WNK2: variants seen among roughly 807,000 people sequenced by gnomAD.
WNK2 encodes the protein serine/threonine-protein kinase WNK2.
WNK2 carries 67 observed loss-of-function variants against 192.1 expected under a neutral mutation model. The ratio of observed to expected loss-of-function variants is 0.35; its 90% CI spans 0.29 to 0.43. The LOEUF is 0.43. WNK2 is among the 20% of genes least tolerant of loss of function. The pLI is 1.00. For synonymous variants in WNK2, 1,439 were observed against 1,393.9 expected (o/e 1.03, Z -0.72); for missense variants, 2,698 against 3,089.7 (o/e 0.87, Z 3.01).
chr9:93,297,794 T>C, intron 23 of WNK2, 59 bp from the exon 24 acceptor site: 2 of 1,502,618 alleles, frequency 1.3e-6, no homozygotes, highest in Non-Finnish European at 1.8e-6. Context: ...CTGGAGGAGC[T>C]GGCGGTGTTG....
At chr9:93,245,512 G>A (rs993368724) in intron 7 of WNK2, among the ~76,000 whole-genome samples, 5 of 150,942 alleles carry the variant, frequency 3.3e-5, no homozygotes, top group Admixed American at 6.6e-5. Context: ...GTGTTTCCCC[G>A]GGGTGCACAG....
At chr9:93,201,920 C>T (rs1587834133) in intron 2 of WNK2, among the ~76,000 whole-genome samples, 2 of 152,246 alleles carry the variant, frequency 1.3e-5, no homozygotes, top group African/African-American at 4.8e-5. Flanking sequence ...TGTGCCCGCG[C>T]TCCCACTCAC....
intron 8 of WNK2, among the ~76,000 whole-genome samples, chr9:93,249,717 G>C (rs1261019416): frequency 6.6e-6 from 1 of 151,460 alleles, no homozygotes; most frequent in Non-Finnish European, 1.5e-5. Context: ...CTCGTGATCC[G>C]CCCGCCTCAG....
intron 26 of WNK2, among the ~76,000 whole-genome samples, chr9:93,304,927 G>C (rs1852235827): frequency 6.6e-6 from 1 of 152,182 alleles, no homozygotes; most frequent in Non-Finnish European, 1.5e-5. Flanking sequence ...GTTTAGGAAG[G>C]GCCCGTGGAG....
At position 93,190,935 on chromosome 9, in the gene WNK2, T is replaced by G. The variant is rs111465487; in HGVS notation, c.681+5325T>G. Among the ~76,000 whole-genome samples, 487 of 152,270 alleles carry G rather than the reference T, an allele frequency of 3.2e-3. 3 individuals are homozygous for G. Among genetic ancestry groups the G allele is most frequent in the African/African-American group, 0.011 (457 of 41,536 alleles). Reference sequence around the variant, plus strand: ...CAGACAGACCCAGATGGGGACAGTCTATAGACCATCTTACAGCAAGGGAGA... The same window carrying G: ...CAGACAGACCCAGATGGGGACAGTCGATAGACCATCTTACAGCAAGGGAGA... On this transcript the variant is annotated intron_variant, in intron 2 of 29. Coordinates refer to ENST00000427277, the MANE Select transcript of WNK2 (RefSeq NM_006648.4).
At chr9:93,246,953 G>A (rs913279417) in intron 7 of WNK2, among the ~76,000 whole-genome samples, 2 of 152,214 alleles carry the variant, frequency 1.3e-5, no homozygotes, top group Non-Finnish European at 2.9e-5. Context: ...TATTCTTGGC[G>A]AGCTCATGAT....
chr9:93,299,395 AGG>A, intron 25 of WNK2, 134 bp downstream of exon 25: 2 of 921,620 alleles, frequency 2.2e-6, no homozygotes, highest in Non-Finnish European at 3.1e-6. Flanking sequence ...TCTTTTAAAA[AGG>A]ATAAAAAAAA....
Position 93,261,849 on chromosome 9 carries a change from C to G in WNK2, c.3102C>G (p.Asp1034Glu), listed in dbSNP as rs370046914. Reference protein sequence around the residue: ...LLGHPAPYAVDVAAQVPTVPV... With the variant: ...LLGHPAPYAVEVAAQVPTVPV... ...GCCACCCAGCTCCCTATGCTGTGGA[C>G]GTCGCCGCTCAGGTCCCCACCGTGC... The change falls in exon 13 of 30, where the codon GAC becomes GAG. Residue 1034 changes from aspartate to glutamate, a missense_variant. Coordinates refer to ENST00000427277, the MANE Select transcript of WNK2 (RefSeq NM_006648.4). 1.9e-6 allele frequency: 3 copies of G among 1,597,826 alleles called. No individual in the cohort carries two copies. In the Admixed American group the frequency reaches 5.0e-5, roughly 27 times the overall value.
intron 2 of WNK2, among the ~76,000 whole-genome samples, chr9:93,187,341 T>A (rs1163652861): frequency 6.6e-6 from 1 of 152,156 alleles, no homozygotes; most frequent in Non-Finnish European, 1.5e-5. Flanking sequence ...TGACTCTAGG[T>A]GGGAACAGCA....
Position 93,259,781 on chromosome 9 carries a change from C to T in WNK2, c.3066+167C>T, listed in dbSNP as rs111950382. Among the ~76,000 whole-genome samples the T allele has an allele frequency of 2.7e-3, 407 of 152,278 alleles. 1 individual carries two copies. The highest frequency in any genetic ancestry group is 4.2e-3 in the Non-Finnish European group (284 of 68,020). ...AGGGAGGCGGGGGCTGGCGCCAGCG[C>T]GAGGCATCTGCATCTCTTCCGTTTT... On this transcript the variant is annotated intron_variant, in intron 12 of 29. Coordinates refer to ENST00000427277, the MANE Select transcript of WNK2 (RefSeq NM_006648.4). The surrounding 1 kb of genome is among the most constrained non-coding windows in gnomAD (Gnocchi z 4.8).
intron 19 of WNK2, among the ~76,000 whole-genome samples, chr9:93,279,363 G>T (rs1266894255): frequency 6.6e-6 from 1 of 152,160 alleles, no homozygotes; most frequent in Non-Finnish European, 1.5e-5. Flanking sequence ...GGATTATTTA[G>T]GGTTAAACCT....
intron 3 of WNK2, among the ~76,000 whole-genome samples, chr9:93,230,508 G>A (rs1308822127): frequency 1.3e-5 from 2 of 152,178 alleles, no homozygotes; most frequent in African/African-American, 2.4e-5. Context: ...GTTCTCACAG[G>A]CCCTGGCCTT....
intron 8 of WNK2, among the ~76,000 whole-genome samples, chr9:93,252,166 G>C (rs1054833591): frequency 3.9e-5 from 6 of 152,244 alleles, no homozygotes; most frequent in Admixed American, 3.9e-4. Flanking sequence ...ACAGGCTGAA[G>C]ATGTTCCCAG....
intron 2 of WNK2, among the ~76,000 whole-genome samples, chr9:93,224,767 T>G (rs1837523352): frequency 6.6e-6 from 1 of 152,114 alleles, no homozygotes; most frequent in Admixed American, 6.5e-5. Flanking sequence ...TACCCTCCAG[T>G]GTCTGGGAGG....
In WNK2 at chr9:93,225,339, T is replaced by C. The variant is rs147863307; in HGVS notation, c.682-4357T>C. Among the ~76,000 whole-genome samples the C allele has an allele frequency of 5.3e-3, 814 of 152,258 alleles. 7 individuals are homozygous for C. Among genetic ancestry groups the C allele is most frequent in the African/African-American group, 0.018 (765 of 41,544 alleles). On this transcript the variant is annotated intron_variant, in intron 2 of 29. Coordinates refer to ENST00000427277, the MANE Select transcript of WNK2 (RefSeq NM_006648.4). ...TGAGCCCAGGAAATTGAGGCTGCAG[T>C]GAGCTATGATCACACCACGGCACTC...
At position 93,259,715 on chromosome 9, in the gene WNK2, C is replaced by A. The variant is rs1843901629; in HGVS notation, c.3066+101C>A. 9 of 1,164,276 alleles carry A rather than the reference C, an allele frequency of 7.7e-6. No individual in the cohort carries two copies. Among genetic ancestry groups the A allele is most frequent in the Non-Finnish European group, 9.4e-6 (8 of 852,312 alleles). 72.1% of individuals were successfully genotyped at this position (1,164,276 alleles called of 1,614,324 possible). On this transcript the variant is annotated intron_variant, in intron 12 of 29. Transcript: ENST00000427277. The surrounding 1 kb of genome is among the most constrained non-coding windows in gnomAD (Gnocchi z 4.8). ...AGAGGCAGGCAAGGAGGCAGCCCTG[C>A]CTGGGGTCGCCCCTCTCAGGAAGAG...
At chr9:93,262,822 A>C (rs1844513375) in intron 14 of WNK2, 103 bp downstream of exon 14, 4 of 1,350,614 alleles carry the variant, frequency 3.0e-6, no homozygotes, top group Middle Eastern at 2.0e-4. Context: ...AACCCACTAT[A>C]GTTTGCCCTG....
intron 26 of WNK2, among the ~76,000 whole-genome samples, chr9:93,304,527 G>A (rs994584408): frequency 3.3e-5 from 5 of 152,256 alleles, no homozygotes; most frequent in African/African-American, 1.2e-4. Context: ...CAGGGAGACC[G>A]AGGTGGGCCT....
At chr9:93,245,764 A>C (rs1006963387) in intron 7 of WNK2, among the ~76,000 whole-genome samples, 3 of 152,106 alleles carry the variant, frequency 2.0e-5, no homozygotes, top group Non-Finnish European at 4.4e-5. Context: ...ATTGCTGCCT[A>C]GTGAGTCACT....
Sources: allele counts gnomAD v4.1 joint callset (sites outside exome capture counted in the v4.1 genomes callset), GRCh38; gene constraint gnomAD v4.1.1; non-coding constraint Gnocchi (gnomAD v3.1); transcripts MANE v1.5; gene names NCBI Gene and HGNC (gene_info 2026-07-23, HGNC 2026-07-21).